PCDHGB3: variants seen among roughly 807,000 people sequenced by gnomAD.
PCDHGB3 encodes the protein protocadherin gamma subfamily B, 3.
A neutral mutation model predicts 59.2 loss-of-function variants in PCDHGB3; 40 were observed. The ratio of observed to expected loss-of-function variants is 0.68; its 90% confidence interval spans 0.52 to 0.88. The LOEUF is 0.88. Among genes scored for constraint, PCDHGB3 ranks in the 40% least tolerant of loss-of-function variants. The pLI, the probability that PCDHGB3 is intolerant of heterozygous loss-of-function variation, is 0.00. For synonymous variants in PCDHGB3, 581 were observed against 503.6 expected, an observed-to-expected ratio of 1.15 and a Z score of -2.06; for missense variants, 1,309 against 1,187.9, an observed-to-expected ratio of 1.10 and a Z score of -1.50.
At chr5:141,404,266 C>T in intron 1 of PCDHGB3, 1 of 1,613,980 alleles carries the variant, frequency 6.2e-7, no homozygotes. Flanking sequence ...AAATTCACAT[C>T]ACCCTGCAAG....
chr5:141,427,931 G>T (rs1381637805), intron 1 of PCDHGB3: 3 of 1,583,646 alleles, frequency 1.9e-6, no homozygotes, highest in Non-Finnish European at 2.6e-6. Flanking sequence ...GGCGCATGTT[G>T]GTGGGCGACC....
intron 1 of PCDHGB3, chr5:141,384,574 C>G (rs1229577686): frequency 1.9e-6 from 3 of 1,614,228 alleles, no homozygotes; most frequent in South Asian, 1.1e-5. Flanking sequence ...GAATGACAAC[C>G]CGCCCGAGAT....
At chr5:141,420,327 A>G in intron 1 of PCDHGB3, 1 of 1,425,478 alleles carries the variant, frequency 7.0e-7, no homozygotes, top group South Asian at 1.5e-5. Context: ...ATGCCAATAT[A>G]TTCCAATATA....
intron 1 of PCDHGB3, chr5:141,422,266 G>A (rs1393466157): frequency 6.4e-7 from 1 of 1,563,654 alleles, no homozygotes; most frequent in Non-Finnish European, 8.6e-7. Context: ...TAACGCTCCA[G>A]AAATAACTAT....
Position 141,476,698 on chromosome 5 carries a change from G to C in PCDHGB3, c.2416-18109G>C, listed in dbSNP as rs2075661. Reference sequence around the variant, plus strand: ...CGCGGGAGGACAGCACCAAGTACGCGGAGCTGGTGTTGGAGCGCGCCCTGG... The same window carrying C: ...CGCGGGAGGACAGCACCAAGTACGCCGAGCTGGTGTTGGAGCGCGCCCTGG... On this transcript the variant is annotated intron_variant, in intron 1 of 3. Transcript: ENST00000576222. The surrounding 1 kb of genome is among the most constrained non-coding windows in gnomAD (Gnocchi z 7.6). The C allele has an allele frequency of 0.2, 326,683 of 1,614,030 alleles. 35,085 individuals carry two copies. Among genetic ancestry groups the C allele is most frequent in the Admixed American group, 0.37 (22,021 of 59,992 alleles).
intron 3 of PCDHGB3, among the ~76,000 whole-genome samples, chr5:141,509,841 C>T (rs546036990): frequency 2.0e-5 from 3 of 152,326 alleles, no homozygotes; most frequent in African/African-American, 7.2e-5. Context: ...ACCTCCCATT[C>T]ACTCAGAACA....
chr5:141,431,660 A>G lies in PCDHGB3; in HGVS notation c.2415+58851A>G. On this transcript the variant is annotated intron_variant, in intron 1 of 3. Transcript: ENST00000576222. This position sits in a 1 kb window ranked among gnomAD's most constrained non-coding sequence, Gnocchi z 4.8. ...CAAACTAGATTGTAATTCAGGGACA[A>G]TATCAACAATAGGGGAGTTGGACCA... 7 of 1,614,256 alleles carry G rather than the reference A, an allele frequency of 4.3e-6. No individual in the cohort carries two copies. The highest frequency in any genetic ancestry group is 5.1e-6 in the Non-Finnish European group (6 of 1,180,046).
intron 1 of PCDHGB3, chr5:141,383,176 G>A: frequency 6.2e-7 from 1 of 1,614,122 alleles, no homozygotes; most frequent in Non-Finnish European, 8.5e-7. Flanking sequence ...GATAGACCGG[G>A]AAGAGATCTG....
intron 2 of PCDHGB3, among the ~76,000 whole-genome samples, chr5:141,503,598 CAA>C (rs765754054): frequency 2.7e-4 from 18 of 65,718 alleles, no homozygotes; most frequent in Admixed American, 6.9e-4. Flanking sequence ...GACTCCAGCT[CAA>C]AAAAAAAAAA....
intron 1 of PCDHGB3, chr5:141,478,239 C>T: frequency 1.2e-6 from 2 of 1,614,132 alleles, no homozygotes; most frequent in Non-Finnish European, 1.7e-6. Context: ...TTTGTGGTCA[C>T]AGTGTTCGGA....
rs1332652972 is a variant in PCDHGB3, at chr5:141,432,381, C to T, written c.2415+59572C>T. On this transcript the variant is annotated intron_variant, in intron 1 of 3. Transcript: ENST00000576222. The surrounding 1 kb of genome is among the most constrained non-coding windows in gnomAD (Gnocchi z 6.0). ...ATGGCGCGGGACAACGGGCACCCGCCCCTCAGCAGCAACGTGTCGTTGAGC... is the reference window on the plus strand; with the variant it reads ...ATGGCGCGGGACAACGGGCACCCGCTCCTCAGCAGCAACGTGTCGTTGAGC... 1 of 1,614,256 alleles carries T rather than the reference C, an allele frequency of 6.2e-7. No homozygotes were observed. The highest frequency in any genetic ancestry group is 1.1e-5 in the South Asian group (1 of 91,082).
Position 141,370,648 on chromosome 5 carries a change from T to A in PCDHGB3, c.254T>A (p.Leu85His). 1 of 1,613,920 alleles carries A rather than the reference T, an allele frequency of 6.2e-7. No individual in the cohort carries two copies. The highest frequency in any genetic ancestry group is 8.5e-7 in the Non-Finnish European group (1 of 1,179,902). The change falls in exon 1 of 4, where the codon CTT (leucine) becomes CAT (histidine). Residue 85 changes from leucine to histidine, a missense_variant. Transcript: ENST00000576222. Reference sequence around the variant, plus strand: ...GTGAGCCCCGAAAATGGGAACTTACTTGTGAGCGACCGTATAGACCGAGAG... The same window carrying A: ...GTGAGCCCCGAAAATGGGAACTTACATGTGAGCGACCGTATAGACCGAGAG... ...FTVSPENGNL[L>H]VSDRIDREEI...
chr5:141,374,184 C>G (rs369352283), intron 1 of PCDHGB3: 8 of 1,613,676 alleles, frequency 5.0e-6, no homozygotes, highest in Middle Eastern at 3.3e-4. Context: ...ATCCGCTACT[C>G]TATTCCCGAG....
intron 3 of PCDHGB3, among the ~76,000 whole-genome samples, chr5:141,506,444 C>CA (rs1219684339): frequency 0.017 from 1,570 of 94,842 alleles, 20 homozygotes; most frequent in African/African-American, 0.048. Flanking sequence ...CGCTCTGTCT[C>CA]AAAAAAAAAA....
intron 1 of PCDHGB3, among the ~76,000 whole-genome samples, chr5:141,437,093 C>T (rs1382920904): frequency 2.6e-5 from 4 of 152,136 alleles, no homozygotes; most frequent in East Asian, 1.9e-4. Flanking sequence ...TTGAAACTAA[C>T]GGCTTAGCTT....
At chr5:141,378,325 C>G (rs1344220335) in intron 1 of PCDHGB3, 1 of 152,200 alleles carries the variant, frequency 6.6e-6, no homozygotes, top group Non-Finnish European at 1.5e-5. Context: ...GAGTTCGAGA[C>G]CAGCCTGACC....
Position 141,432,477 on chromosome 5 carries a change from C to G in PCDHGB3, c.2415+59668C>G. On this transcript the variant is annotated intron_variant, in intron 1 of 3. Coordinates refer to ENST00000576222, the MANE Select transcript of PCDHGB3 (RefSeq NM_018924.5). This position sits in a 1 kb window ranked among gnomAD's most constrained non-coding sequence, Gnocchi z 6.0. ...CCCGCCCTCCCCACGGACGGTTCCA[C>G]TGGCGTGGAGCTGGCTCCCCGCTCC... 3 of 1,614,212 alleles carry G rather than the reference C, an allele frequency of 1.9e-6. No homozygotes were observed. Among genetic ancestry groups the G allele is most frequent in the Non-Finnish European group, 1.7e-6 (2 of 1,180,044 alleles).
At chr5:141,394,064 C>G in intron 1 of PCDHGB3, 7 of 1,613,776 alleles carry the variant, frequency 4.3e-6, no homozygotes, top group Non-Finnish European at 5.9e-6. Flanking sequence ...ATGTCTCTAT[C>G]TACAATATCA....
At chr5:141,471,801 CAT>C (rs1165290367) in intron 1 of PCDHGB3, among the ~76,000 whole-genome samples, 1 of 152,114 alleles carries the variant, frequency 6.6e-6, no homozygotes, top group African/African-American at 2.4e-5. Context: ...ATATAAAAGA[CAT>C]ATAAAAGACT....
Sources: gnomAD v4.1 joint callset for allele counts (sites outside exome capture counted in the v4.1 genomes callset) on GRCh38, gnomAD v4.1.1 for gene constraint, Gnocchi (gnomAD v3.1) non-coding constraint, MANE v1.5 for transcripts, NCBI Gene and HGNC (gene_info 2026-07-23, HGNC 2026-07-21) for gene names.